Variants in CDK8 observed in about 807,000 individuals in gnomAD.
CDK8 encodes the protein cyclin-dependent kinase 8.
In CDK8, 29 loss-of-function variants were observed where a neutral mutation model predicts 71.5. The ratio of observed to expected loss-of-function variants is 0.41; its 90% CI spans 0.30 to 0.55. The LOEUF is 0.55. CDK8 is among the 20% of genes least tolerant of loss of function. The pLI is 0.37. For missense variants in CDK8, 288 were observed against 572.6 expected (o/e 0.50, Z 5.07); for synonymous variants, 161 against 192.1 (o/e 0.84, Z 1.34).
At chr13:26,394,780 T>A (rs910287230) in intron 7 of CDK8, among the ~76,000 whole-genome samples, 1 of 152,162 alleles carries the variant, frequency 6.6e-6, no homozygotes, top group Non-Finnish European at 1.5e-5. Context: ...AGCTAAAGAA[T>A]GAGAATCCAT....
chr13:26,258,468 C>T lies in CDK8; in HGVS notation c.128+3699C>T, dbSNP rs142611802. 2.7e-3 allele frequency among the ~76,000 whole-genome samples: 408 copies of T among 150,478 alleles called. 1 individual carries two copies. Among genetic ancestry groups the T allele is most frequent in the African/African-American group, 9.5e-3 (383 of 40,526 alleles). On this transcript the variant is annotated intron_variant, in intron 1 of 12. Coordinates refer to ENST00000381527, the MANE Select transcript of CDK8 (RefSeq NM_001260.3). ...ATGGGTGTGTCTGTACGTATATACA[C>T]AAACATACTTGTGTATCTAGAGGGG...
intron 1 of CDK8, among the ~76,000 whole-genome samples, chr13:26,289,408 G>A (rs1873190482): frequency 6.6e-6 from 1 of 152,020 alleles, no homozygotes; most frequent in Non-Finnish European, 1.5e-5. Flanking sequence ...ACATTTATAC[G>A]TAGGTATTTG....
chr13:26,375,803 T>A (rs775941107), intron 4 of CDK8, among the ~76,000 whole-genome samples: 20 of 152,186 alleles, frequency 1.3e-4, no homozygotes, highest in Non-Finnish European at 2.6e-4. Context: ...TTTAAAAAGT[T>A]TTTAAAAGTC....
At chr13:26,355,042 A>C (rs554905902) in intron 4 of CDK8, among the ~76,000 whole-genome samples, 2 of 152,224 alleles carry the variant, frequency 1.3e-5, no homozygotes, top group African/African-American at 4.8e-5. Flanking sequence ...CCTGTAGGCT[A>C]TGAGGCGGAG....
At chr13:26,389,574 G>T (rs1875646538) in intron 6 of CDK8, among the ~76,000 whole-genome samples, 1 of 152,178 alleles carries the variant, frequency 6.6e-6, no homozygotes, top group Non-Finnish European at 1.5e-5. Context: ...TTTCTCAGCA[G>T]TGGTGATTCC....
chr13:26,292,074 A>C (rs1472511674), intron 1 of CDK8, among the ~76,000 whole-genome samples: 3 of 152,248 alleles, frequency 2.0e-5, no homozygotes, highest in African/African-American at 7.2e-5. Context: ...TATATAAACA[A>C]AGCAAAGAAA....
chr13:26,349,506 A>G (rs1873599478), intron 3 of CDK8, among the ~76,000 whole-genome samples: 1 of 152,206 alleles, frequency 6.6e-6, no homozygotes, highest in Non-Finnish European at 1.5e-5. Context: ...TAAAATAGAA[A>G]AGTAGCATAT....
intron 1 of CDK8, among the ~76,000 whole-genome samples, chr13:26,286,820 C>A (rs188205905): frequency 7.4e-4 from 112 of 152,170 alleles, no homozygotes; most frequent in African/African-American, 2.0e-3. Flanking sequence ...AAAAAACAAT[C>A]CCATCAAAAA....
At position 26,308,873 on chromosome 13, in the gene CDK8, A is replaced by G. The variant is rs564549129; in HGVS notation, c.129-28694A>G. Among the ~76,000 whole-genome samples, 4 of 152,316 alleles carry G rather than the reference A, an allele frequency of 2.6e-5. No homozygotes were observed. The East Asian group carries it at 7.7e-4, about 29-fold the overall frequency. ...GTAAACCCATTGAACACTTACAGAG[A>G]CAGTATCACATAATGGCTACAAATT... is the stretch of plus-strand genomic sequence containing the variant. On this transcript the variant is annotated intron_variant, in intron 1 of 12. Coordinates refer to ENST00000381527, the MANE Select transcript of CDK8 (RefSeq NM_001260.3).
chr13:26,302,232 AAGACTTC>A (rs1873854610), intron 1 of CDK8, among the ~76,000 whole-genome samples: 1 of 152,218 alleles, frequency 6.6e-6, no homozygotes, highest in Non-Finnish European at 1.5e-5. Flanking sequence ...AACTGAATTA[AAGACTTC>A]AGTCGATTTC....
intron 6 of CDK8, among the ~76,000 whole-genome samples, chr13:26,390,911 CTT>C (rs1875714114): frequency 6.6e-6 from 1 of 150,546 alleles, no homozygotes; most frequent in Non-Finnish European, 1.5e-5. Context: ...GTAGATGAAA[CTT>C]ATATGTTTTT....
In CDK8 at chr13:26,332,882, C is replaced by A. The variant is rs1215728635; in HGVS notation, c.129-4685C>A. Among the ~76,000 whole-genome samples, 4 of 152,314 alleles carry A rather than the reference C, an allele frequency of 2.6e-5. No homozygotes were observed. In the South Asian group the frequency reaches 8.3e-4, roughly 32 times the overall value. On this transcript the variant is annotated intron_variant, in intron 1 of 12. Transcript: ENST00000381527. ...ATACATTGCGTTGTCTCCTCTTTCTCTAGTGCTTAGAACACTATTTGAGCA... is the reference window on the plus strand; with the variant it reads ...ATACATTGCGTTGTCTCCTCTTTCTATAGTGCTTAGAACACTATTTGAGCA...
chr13:26,349,218 C>A, intron 3 of CDK8, 36 bp downstream of exon 3: 1 of 1,148,606 alleles, frequency 8.7e-7, no homozygotes, highest in Non-Finnish European at 1.3e-6. Flanking sequence ...AGCAAACAGT[C>A]AGGGATTGTT....
intron 2 of CDK8, among the ~76,000 whole-genome samples, chr13:26,340,777 C>G (rs1873206661): frequency 6.6e-6 from 1 of 152,102 alleles, no homozygotes; most frequent in African/African-American, 2.4e-5. Flanking sequence ...ATCTGTTCCC[C>G]CAACCCTCTA....
intron 4 of CDK8, among the ~76,000 whole-genome samples, chr13:26,376,460 C>T (rs1219359197): frequency 6.6e-6 from 1 of 152,058 alleles, no homozygotes; most frequent in East Asian, 1.9e-4. Context: ...GAAAAAAATC[C>T]ATTTCCATCT....
intron 1 of CDK8, among the ~76,000 whole-genome samples, chr13:26,274,226 G>GA (rs34232734): frequency 0.17 from 25,800 of 151,942 alleles, 3,845 homozygotes; most frequent in African/African-American, 0.41. Flanking sequence ...CTTTCATAAT[G>GA]ACAAAAGTAA....
rs571264808 is a variant in CDK8 at position 26,301,171 on chromosome 13, G to GA, written c.129-36394dup. ...CTTCGGGTTAGTCAATCTGAGCCTT[G>GA]AATGGGGTTCAGCTTCAATAAATCT... On this transcript the variant is annotated intron_variant, in intron 1 of 12. Coordinates refer to ENST00000381527, the MANE Select transcript of CDK8 (RefSeq NM_001260.3). Among the ~76,000 whole-genome samples, 360 of 147,744 alleles carry GA rather than the reference G, an allele frequency of 2.4e-3. 4 individuals carry two copies. The highest frequency in any genetic ancestry group is 4.2e-3 in the Non-Finnish European group (284 of 67,234).
At chr13:26,387,171 GA>G (rs1432812930) in intron 6 of CDK8, among the ~76,000 whole-genome samples, 1 of 152,094 alleles carries the variant, frequency 6.6e-6, no homozygotes, top group Non-Finnish European at 1.5e-5. Flanking sequence ...TTAATAGAAA[GA>G]AAAGCCTACT....
intron 1 of CDK8, among the ~76,000 whole-genome samples, chr13:26,276,732 T>C (rs1340835667): frequency 6.6e-6 from 1 of 152,210 alleles, no homozygotes; most frequent in Non-Finnish European, 1.5e-5. Flanking sequence ...TGCTGTAATA[T>C]CATGTTTGTT....
Sources: gnomAD v4.1 joint callset for allele counts (sites outside exome capture counted in the v4.1 genomes callset) on GRCh38, gnomAD v4.1.1 for gene constraint, MANE v1.5 for transcripts, NCBI Gene and HGNC (gene_info 2026-07-23, HGNC 2026-07-21) for gene names.